DYNC1I1: variants seen among roughly 807,000 people sequenced by gnomAD.
The protein encoded by DYNC1I1 is cytoplasmic dynein 1 intermediate chain 1.
Under a neutral mutation model 86.6 loss-of-function variants are expected in DYNC1I1, and 43 were observed. The ratio of observed to expected loss-of-function variants is 0.50; its 90% confidence interval spans 0.39 to 0.64. DYNC1I1 has a LOEUF of 0.64. Ranked by LOEUF, DYNC1I1 falls within the 30% of genes least tolerant of loss-of-function variation. The probability of loss-of-function intolerance (pLI) is 0.00; values close to 1 mark genes in which losing one functional copy is unlikely to be tolerated. For synonymous variants in DYNC1I1, 262 were observed against 283.7 expected, an observed-to-expected ratio of 0.92 and a Z score of 0.77; for missense variants, 604 against 788.8, an observed-to-expected ratio of 0.77 and a Z score of 2.81.
intron 6 of DYNC1I1, among the ~76,000 whole-genome samples, chr7:95,898,000 A>C (rs1334671027): frequency 6.6e-6 from 1 of 152,220 alleles, no homozygotes; most frequent in Non-Finnish European, 1.5e-5. Flanking sequence ...GATCAGAATT[A>C]AAATTGCTGT....
chr7:95,833,152 T>C (rs1462870200), intron 5 of DYNC1I1, among the ~76,000 whole-genome samples: 2 of 144,768 alleles, frequency 1.4e-5, no homozygotes, highest in African/African-American at 5.2e-5. Context: ...TTGTATAAGG[T>C]GTAAGGAAGG....
intron 16 of DYNC1I1, among the ~76,000 whole-genome samples, chr7:96,095,141 A>G (rs570176935): frequency 6.6e-6 from 1 of 152,318 alleles, no homozygotes; most frequent in South Asian, 2.1e-4. Context: ...TGTGTGTTTA[A>G]CAGAAACATT....
chr7:95,929,153 G>T (rs946485170), intron 6 of DYNC1I1, among the ~76,000 whole-genome samples: 2 of 152,114 alleles, frequency 1.3e-5, no homozygotes, highest in Non-Finnish European at 2.9e-5. Flanking sequence ...TCTATCACTA[G>T]TATTTTCTGC....
chr7:95,881,231 T>A (rs17167213), intron 6 of DYNC1I1, among the ~76,000 whole-genome samples: 6,987 of 152,246 alleles, frequency 0.046, 381 homozygotes, highest in African/African-American at 0.12. Context: ...GTCACCTTGA[T>A]GCTGAGCCCT....
chr7:95,833,686 G>A (rs1470396617), intron 5 of DYNC1I1, among the ~76,000 whole-genome samples: 3 of 150,012 alleles, frequency 2.0e-5, no homozygotes, highest in Non-Finnish European at 3.0e-5. Context: ...GGTCCCTCAC[G>A]TCCCTTGTAA....
intron 16 of DYNC1I1, among the ~76,000 whole-genome samples, chr7:96,087,887 T>C (rs79713613): frequency 0.015 from 2,278 of 152,346 alleles, 58 homozygotes; most frequent in African/African-American, 0.051. Flanking sequence ...TGAAATAATA[T>C]ATTAATTCAT....
intron 5 of DYNC1I1, among the ~76,000 whole-genome samples, chr7:95,861,320 G>A (rs1013474769): frequency 4.6e-5 from 7 of 152,176 alleles, no homozygotes; most frequent in African/African-American, 1.2e-4. Flanking sequence ...TTCCTGAAGT[G>A]TATTTTAATT....
chr7:95,931,149 C>CTT (rs1012263184), intron 6 of DYNC1I1, among the ~76,000 whole-genome samples: 2 of 146,134 alleles, frequency 1.4e-5, no homozygotes, highest in Non-Finnish European at 1.5e-5. Flanking sequence ...CTCATGAATA[C>CTT]TTTTTTTTTT....
chr7:95,921,541 G>T (rs1354476624), intron 6 of DYNC1I1, among the ~76,000 whole-genome samples: 1 of 152,122 alleles, frequency 6.6e-6, no homozygotes, highest in African/African-American at 2.4e-5. Flanking sequence ...AGAAACACAT[G>T]GTCTGGGCTT....
At chr7:95,949,968 ATCTT>A in intron 6 of DYNC1I1, among the ~76,000 whole-genome samples, 1 of 91,358 alleles carries the variant, frequency 1.1e-5, no homozygotes, top group African/African-American at 2.9e-5. Flanking sequence ...TTAATCTCTC[ATCTT>A]TCTTTTTTTT....
chr7:96,053,161 C>T (rs942917081), intron 14 of DYNC1I1, among the ~76,000 whole-genome samples: 2 of 152,104 alleles, frequency 1.3e-5, no homozygotes, highest in Non-Finnish European at 2.9e-5. Context: ...TGAGGCTGCC[C>T]CGCCCAATTC....
intron 5 of DYNC1I1, among the ~76,000 whole-genome samples, chr7:95,831,903 A>G (rs531018231): frequency 4.3e-4 from 66 of 152,260 alleles, no homozygotes; most frequent in African/African-American, 1.4e-3. Flanking sequence ...ACCCCTTATC[A>G]GTAATATGGA....
intron 9 of DYNC1I1, among the ~76,000 whole-genome samples, chr7:95,992,397 C>T (rs13230551): frequency 0.18 from 27,558 of 152,020 alleles, 2,859 homozygotes; most frequent in African/African-American, 0.26. Flanking sequence ...AAGGAGAAGG[C>T]TTTTGAAGCC....
chr7:95,937,771 C>G (rs1584178118), intron 6 of DYNC1I1, among the ~76,000 whole-genome samples: 1 of 151,914 alleles, frequency 6.6e-6, no homozygotes, highest in South Asian at 2.1e-4. Context: ...TTACCTTTTC[C>G]TATTACAATG....
At chr7:96,000,385 A>G (rs1349768354) in intron 10 of DYNC1I1, among the ~76,000 whole-genome samples, 1 of 152,208 alleles carries the variant, frequency 6.6e-6, no homozygotes, top group Non-Finnish European at 1.5e-5. Flanking sequence ...TATCATACAC[A>G]TTTTGAAGAA....
intron 1 of DYNC1I1, among the ~76,000 whole-genome samples, chr7:95,780,553 C>T (rs1458955846): frequency 1.3e-5 from 2 of 151,780 alleles, no homozygotes; most frequent in African/African-American, 4.8e-5. Flanking sequence ...GCTGGGATTA[C>T]AGGTGTGAGC....
At chr7:96,036,970 A>T (rs1272965500) in intron 13 of DYNC1I1, among the ~76,000 whole-genome samples, 13 of 151,968 alleles carry the variant, frequency 8.6e-5, no homozygotes. Flanking sequence ...TATTCCATTG[A>T]TTTTTTTTCA....
At position 95,955,884 on chromosome 7, in the gene DYNC1I1, T is replaced by C. The variant is rs149975977; in HGVS notation, c.491-21628T>C. ...TCCTATAAATCTGGCTCCACTTTTA[T>C]GTAACATTCTTTATCTTAGGGATCT... On this transcript the variant is annotated intron_variant, in intron 6 of 16. Coordinates refer to ENST00000447467, the MANE Select transcript of DYNC1I1 (RefSeq NM_001135556.2). Among the ~76,000 whole-genome samples, 538 of 152,320 alleles carry C rather than the reference T, an allele frequency of 3.5e-3. 5 individuals are homozygous for C. The highest frequency in any genetic ancestry group is 6.2e-3 in the Non-Finnish European group (423 of 68,016).
chr7:95,894,419 T>C (rs1243640489), intron 6 of DYNC1I1, among the ~76,000 whole-genome samples: 1 of 145,040 alleles, frequency 6.9e-6, no homozygotes, highest in Non-Finnish European at 1.5e-5. Flanking sequence ...CTACATCTAA[T>C]ACCCTTACCT....
Sources: allele counts gnomAD v4.1 joint callset (sites outside exome capture counted in the v4.1 genomes callset), GRCh38; gene constraint gnomAD v4.1.1; transcripts MANE v1.5; gene names NCBI Gene and HGNC (gene_info 2026-07-23, HGNC 2026-07-21).